NCOA2: variants seen among roughly 807,000 people sequenced by gnomAD.
NCOA2 encodes nuclear receptor coactivator 2, also known as class E basic helix-loop-helix protein 75.
NCOA2 carries 21 observed loss-of-function variants against 145.1 expected under a neutral mutation model. The observed-to-expected ratio is 0.14, with a 90% CI of 0.10 to 0.21. NCOA2 has a LOEUF of 0.21. Ranked by LOEUF, NCOA2 falls within the 10% of genes least tolerant of loss-of-function variation. The probability of loss-of-function intolerance (pLI) is 1.00; values close to 1 mark genes in which losing one functional copy is unlikely to be tolerated. For synonymous variants in NCOA2, 619 were observed against 637.5 expected, an observed-to-expected ratio of 0.97 and a Z score of 0.44; for missense variants, 1,472 against 1,837.6, an observed-to-expected ratio of 0.80 and a Z score of 3.64.
At chr8:70,171,710 T>C (rs923337286) in intron 5 of NCOA2, among the ~76,000 whole-genome samples, 4 of 152,236 alleles carry the variant, frequency 2.6e-5, no homozygotes, top group African/African-American at 9.6e-5. Context: ...CCGCCCAGCC[T>C]GGAGTACAGT....
intron 6 of NCOA2, among the ~76,000 whole-genome samples, chr8:70,168,097 T>C (rs557154413): frequency 5.1e-4 from 77 of 151,960 alleles, no homozygotes; most frequent in African/African-American, 1.7e-3. Context: ...CTAAAGAAAA[T>C]GGAGAAGGAC....
chr8:70,203,221 C>T (rs928457107), intron 4 of NCOA2, among the ~76,000 whole-genome samples: 4 of 147,472 alleles, frequency 2.7e-5, no homozygotes, highest in African/African-American at 1.0e-4. Context: ...CGAGATCGCA[C>T]CACTGCACTC....
At chr8:70,133,654 T>C (rs1809414159) in intron 15 of NCOA2, among the ~76,000 whole-genome samples, 4 of 152,136 alleles carry the variant, frequency 2.6e-5, no homozygotes, top group Admixed American at 2.6e-4. Flanking sequence ...AAATAAACAT[T>C]TACAGATTAA....
chr8:70,387,482 CT>C (rs1812770458), intron 1 of NCOA2, among the ~76,000 whole-genome samples: 1 of 152,168 alleles, frequency 6.6e-6, no homozygotes, highest in Non-Finnish European at 1.5e-5. Flanking sequence ...CCTCTTTCCT[CT>C]CTTATTTTAA....
At position 70,383,902 on chromosome 8, in the gene NCOA2, T is replaced by C. The variant is rs559367957; in HGVS notation, c.-77+19798A>G. ...CTTCATAAACAGAGCTTATAAATAG[T>C]CTTCTCTGGTAACTGTATCTAAATA... is the stretch of plus-strand genomic sequence containing the variant. On this transcript the variant is annotated intron_variant, in intron 1 of 22. Coordinates refer to ENST00000452400, the MANE Select transcript of NCOA2 (RefSeq NM_006540.4). Among the ~76,000 whole-genome samples, 4 of 152,342 alleles carry C rather than the reference T, an allele frequency of 2.6e-5. No individual in the cohort carries two copies. In the South Asian group the frequency reaches 8.3e-4, roughly 32 times the overall value.
At chr8:70,129,963 C>G (rs1242330438) in intron 16 of NCOA2, among the ~76,000 whole-genome samples, 1 of 152,230 alleles carries the variant, frequency 6.6e-6, no homozygotes, top group Non-Finnish European at 1.5e-5. Flanking sequence ...AGCCACCACG[C>G]CCAGCCTCAA....
Position 70,387,976 on chromosome 8 carries a change from T to C in NCOA2, c.-77+15724A>G, listed in dbSNP as rs189325469. Among the ~76,000 whole-genome samples the C allele has an allele frequency of 8.1e-3, 1,227 of 152,298 alleles. 22 individuals carry two copies. The highest frequency in any genetic ancestry group is 6.9e-3 in the Non-Finnish European group (471 of 68,014). The stretch of plus-strand genomic sequence containing the variant: ...TCAGCTGATTCCAGCTCCCCAGTCA[T>C]AGACTCAGCCCTGGCTTTGCGTCTT... On this transcript the variant is annotated intron_variant, in intron 1 of 22. Coordinates refer to ENST00000452400, the MANE Select transcript of NCOA2 (RefSeq NM_006540.4).
chr8:70,372,088 T>A (rs1811277466), intron 1 of NCOA2, among the ~76,000 whole-genome samples: 2 of 152,186 alleles, frequency 1.3e-5, no homozygotes, highest in African/African-American at 4.8e-5. Context: ...GAAAAGTTAG[T>A]GAGCTGGATA....
At position 70,214,152 on chromosome 8, in the gene NCOA2, T is replaced by G. The variant is rs1719166967; in HGVS notation, c.87-77A>C. The G allele has an allele frequency of 3.6e-6, 5 of 1,380,250 alleles. No individual in the cohort carries two copies. The South Asian group carries it at 6.5e-5, about 18-fold the overall frequency. 85.5% of individuals were successfully genotyped at this position (1,380,250 alleles called of 1,614,324 possible). A position where few individuals can be genotyped will look rare whatever the true frequency, so the allele number is the denominator to read the frequency against. ...AAAAAAATGAACGTGTTAAACAAGT[T>G]TAATACAAAGATAGCAAACAAAAGC... On this transcript the variant is annotated intron_variant, in intron 3 of 22. Coordinates refer to ENST00000452400, the MANE Select transcript of NCOA2 (RefSeq NM_006540.4).
At chr8:70,113,777 G>A (rs988627444) in intron 22 of NCOA2, 134 bp from the exon 23 acceptor site, 5 of 840,598 alleles carry the variant, frequency 5.9e-6, no homozygotes, top group Non-Finnish European at 9.7e-6. Flanking sequence ...ATCTGGATGA[G>A]TACATTCGAT....
the NCOA2 span, among the ~76,000 whole-genome samples, chr8:70,433,876 G>A: frequency 6.6e-6 from 1 of 152,180 alleles, no homozygotes; most frequent in East Asian, 1.9e-4. Flanking sequence ...CCTGTGGGAT[G>A]TGTTAAGTTT....
chr8:70,213,094 C>CAA (rs951962965), intron 4 of NCOA2, among the ~76,000 whole-genome samples: 2,586 of 77,610 alleles, frequency 0.033, 69 homozygotes, highest in African/African-American at 0.083. Flanking sequence ...AAAAAAACAC[C>CAA]AAAAAAAAAA....
chr8:70,125,970 TTTAA>T (rs1431914787), intron 19 of NCOA2, among the ~76,000 whole-genome samples: 2 of 152,310 alleles, frequency 1.3e-5, no homozygotes, highest in African/African-American at 2.4e-5. Context: ...AACATGCATA[TTTAA>T]TTAATATTTA....
intron 4 of NCOA2, among the ~76,000 whole-genome samples, chr8:70,180,171 G>T (rs948190872): frequency 6.6e-6 from 1 of 152,208 alleles, no homozygotes; most frequent in Non-Finnish European, 1.5e-5. Context: ...ACTCACAAAA[G>T]ACTTAAAGAA....
chr8:70,322,279 A>G (rs534173128), intron 1 of NCOA2, among the ~76,000 whole-genome samples: 1 of 152,296 alleles, frequency 6.6e-6, no homozygotes, highest in South Asian at 2.1e-4. Context: ...ACTTTCAACC[A>G]AGTCATTATG....
chr8:70,226,660 TTATATA>T (rs10554067), intron 2 of NCOA2, among the ~76,000 whole-genome samples: 2 of 146,600 alleles, frequency 1.4e-5, no homozygotes, highest in African/African-American at 2.5e-5. Flanking sequence ...TTTTAATTAT[TTATATA>T]TATATATATA....
At chr8:70,386,502 T>C (rs767547149) in intron 1 of NCOA2, among the ~76,000 whole-genome samples, 1 of 152,152 alleles carries the variant, frequency 6.6e-6, no homozygotes, top group Non-Finnish European at 1.5e-5. Flanking sequence ...CTGGAAACGC[T>C]TGTGGTAAAA....
intron 6 of NCOA2, 91 bp downstream of exon 6, chr8:70,170,111 A>T: frequency 8.2e-7 from 1 of 1,224,378 alleles, no homozygotes; most frequent in Non-Finnish European, 1.1e-6. Context: ...ATATAGTTTT[A>T]TTTGATCCAC....
In NCOA2 at chr8:70,322,120, G is replaced by C. The variant is rs1010133784; in HGVS notation, c.-76-25320C>G. ...AACAAAGCATGACTCTGTCTCCAGAGGGGGAAAAAAAAACCTGTCTACAAA... is the reference window on the plus strand; with the variant it reads ...AACAAAGCATGACTCTGTCTCCAGACGGGGAAAAAAAAACCTGTCTACAAA... On this transcript the variant is annotated intron_variant, in intron 1 of 22. Transcript: ENST00000452400. Among the ~76,000 whole-genome samples the C allele has an allele frequency of 2.6e-5, 4 of 151,404 alleles. No homozygotes were observed. The East Asian group carries it at 5.8e-4, about 22-fold the overall frequency.
Sources: gnomAD v4.1 joint callset for allele counts (sites outside exome capture counted in the v4.1 genomes callset) on GRCh38, gnomAD v4.1.1 for gene constraint, MANE v1.5 for transcripts, NCBI Gene and HGNC (gene_info 2026-07-23, HGNC 2026-07-21) for gene names.